SUPT3H: variants seen among roughly 807,000 people sequenced by gnomAD.
SUPT3H encodes SPT3 homolog, SAGA and STAGA complex component.
In SUPT3H, 44 loss-of-function variants were observed where a neutral mutation model predicts 44.3. The observed-to-expected ratio is 0.99, with a 90% CI of 0.78 to 1.28. SUPT3H has a LOEUF of 1.28. SUPT3H is among the 50% of genes most tolerant of loss of function. The probability of loss-of-function intolerance (pLI) is 0.00; values close to 1 mark genes in which losing one functional copy is unlikely to be tolerated. For synonymous variants in SUPT3H, 124 were observed against 125.6 expected (o/e 0.99, Z 0.09); for missense variants, 380 against 387.1 (o/e 0.98, Z 0.15).
intron 2 of SUPT3H, among the ~76,000 whole-genome samples, chr6:45,353,891 G>A (rs975870330): frequency 6.0e-5 from 9 of 151,202 alleles, no homozygotes; most frequent in African/African-American, 2.2e-4. Context: ...AGTGCCTTTA[G>A]TATATCAAAG....
intron 2 of SUPT3H, among the ~76,000 whole-genome samples, chr6:45,257,688 G>A (rs892646299): frequency 1.3e-5 from 2 of 152,092 alleles, no homozygotes; most frequent in African/African-American, 4.8e-5. Context: ...CATCCCATAG[G>A]TGGAAGGTGA....
intron 3 of SUPT3H, among the ~76,000 whole-genome samples, chr6:45,028,684 C>G (rs1245796715): frequency 1.3e-5 from 2 of 151,882 alleles, no homozygotes; most frequent in Non-Finnish European, 2.9e-5. Context: ...ACCTTCACAG[C>G]AAACTTATGA....
intron 2 of SUPT3H, among the ~76,000 whole-genome samples, chr6:45,164,054 T>G (rs1168817841): frequency 6.6e-6 from 1 of 152,164 alleles, no homozygotes; most frequent in Non-Finnish European, 1.5e-5. Context: ...GAGTAGCTGA[T>G]ACACATATTC....
intron 3 of SUPT3H, among the ~76,000 whole-genome samples, chr6:45,067,648 C>T (rs980214482): frequency 4.7e-4 from 71 of 151,058 alleles, no homozygotes; most frequent in Non-Finnish European, 7.4e-4. Flanking sequence ...AAAAAGTGGG[C>T]GAAGGACATG....
intron 2 of SUPT3H, among the ~76,000 whole-genome samples, chr6:45,109,222 T>C (rs975937172): frequency 6.6e-6 from 1 of 152,070 alleles, no homozygotes; most frequent in Non-Finnish European, 1.5e-5. Context: ...AAGTCCACAA[T>C]AAAAAGCAAA....
Position 44,869,927 on chromosome 6 carries a change from T to C in SUPT3H, c.913-40070A>G, listed in dbSNP as rs571193326. Among the ~76,000 whole-genome samples the C allele has an allele frequency of 9.9e-5, 15 of 152,272 alleles. No homozygotes were observed. The South Asian group carries it at 2.7e-3, about 27-fold the overall frequency. ...AGAATAGTGGAGATGAGAAACAATA[T>C]CTCTTTTCATTTCCCTGCCTCTAAA... On this transcript the variant is annotated intron_variant, in intron 10 of 10. Transcript: ENST00000371459.
chr6:45,368,060 A>C (rs1256125118), intron 1 of SUPT3H, among the ~76,000 whole-genome samples: 1 of 151,662 alleles, frequency 6.6e-6, no homozygotes, highest in Non-Finnish European at 1.5e-5. Flanking sequence ...TTAAAAGCAG[A>C]AGCACTCAAG....
intron 2 of SUPT3H, among the ~76,000 whole-genome samples, chr6:45,187,594 GAA>G (rs1011758356): frequency 2.0e-5 from 3 of 152,168 alleles, no homozygotes; most frequent in African/African-American, 4.8e-5. Flanking sequence ...TAAGAGAGAG[GAA>G]AAGACACTTT....
chr6:45,253,872 T>TATATATATATATAC (rs1491408260), intron 2 of SUPT3H, among the ~76,000 whole-genome samples: 193 of 124,066 alleles, frequency 1.6e-3, no homozygotes, highest in African/African-American at 4.7e-3. Context: ...TATATATATA[T>TATATATATATATAC]ACACACACAC....
intron 10 of SUPT3H, among the ~76,000 whole-genome samples, chr6:44,919,508 C>T (rs539676057): frequency 1.3e-5 from 2 of 151,378 alleles, no homozygotes. Flanking sequence ...TGAGCTACCC[C>T]CACCCTTAAC....
chr6:44,954,829 G>C (rs1341135605), intron 7 of SUPT3H, among the ~76,000 whole-genome samples: 1 of 152,088 alleles, frequency 6.6e-6, no homozygotes, highest in East Asian at 1.9e-4. Flanking sequence ...ACTCTCTTAC[G>C]TATTTGGGTC....
chr6:45,053,227 T>TG (rs1254739604), intron 3 of SUPT3H, among the ~76,000 whole-genome samples: 43 of 151,088 alleles, frequency 2.8e-4, no homozygotes, highest in African/African-American at 5.6e-4. Context: ...CTTTTTTTTT[T>TG]TGTGGTATAG....
intron 3 of SUPT3H, among the ~76,000 whole-genome samples, chr6:45,025,975 GCT>G (rs1255973642): frequency 1.9e-4 from 29 of 152,106 alleles, no homozygotes; most frequent in African/African-American, 6.0e-4. Flanking sequence ...TTCCATTGCA[GCT>G]CTTTCTTTTA....
chr6:45,309,107 TATG>T (rs1400918057), intron 2 of SUPT3H, among the ~76,000 whole-genome samples: 2 of 151,162 alleles, frequency 1.3e-5, no homozygotes, highest in Non-Finnish European at 2.9e-5. Flanking sequence ...GAGAAAGGAT[TATG>T]ATAACACTGT....
chr6:45,161,142 C>T (rs1309103378), intron 2 of SUPT3H, among the ~76,000 whole-genome samples: 1 of 152,154 alleles, frequency 6.6e-6, no homozygotes, highest in African/African-American at 2.4e-5. Flanking sequence ...TCCCCAGAAG[C>T]AGATGCCAGC....
rs182768106 is a variant in SUPT3H at position 44,979,058 on chromosome 6, A to G, written c.505-17230T>C. On this transcript the variant is annotated intron_variant, in intron 6 of 10. Coordinates refer to ENST00000371459, the MANE Select transcript of SUPT3H (RefSeq NM_003599.4). ...GATAAACTAAATTGGATTTTATACAATTCTTAAGTAATACTCCTATTGTAC... is the reference window on the plus strand; with the variant it reads ...GATAAACTAAATTGGATTTTATACAGTTCTTAAGTAATACTCCTATTGTAC... Among the ~76,000 whole-genome samples the G allele has an allele frequency of 1.4e-4, 22 of 152,298 alleles. No individual in the cohort carries two copies. The East Asian group carries it at 2.9e-3, about 20-fold the overall frequency.
Position 45,356,201 on chromosome 6 carries a change from T to C in SUPT3H, c.101+9000A>G, listed in dbSNP as rs112514252. Among the ~76,000 whole-genome samples the C allele has an allele frequency of 9.2e-3, 1,395 of 152,256 alleles. 16 individuals carry two copies. Among genetic ancestry groups the C allele is most frequent in the South Asian group, 0.032 (153 of 4,820 alleles). Reference sequence around the variant, plus strand: ...CAACAACATTTTTTTCAAAGGCATATGGTATTTCACAGCTAAGGTTTTTTT... The same window carrying C: ...CAACAACATTTTTTTCAAAGGCATACGGTATTTCACAGCTAAGGTTTTTTT... On this transcript the variant is annotated intron_variant, in intron 2 of 10. Coordinates refer to ENST00000371459, the MANE Select transcript of SUPT3H (RefSeq NM_003599.4).
intron 3 of SUPT3H, among the ~76,000 whole-genome samples, chr6:45,053,483 G>A (rs569325934): frequency 1.3e-4 from 20 of 151,920 alleles, no homozygotes; most frequent in Admixed American, 1.1e-3. Flanking sequence ...AGTATGGTGA[G>A]GTGCAAGAAA....
At chr6:45,323,839 A>G (rs1785926803) in intron 2 of SUPT3H, among the ~76,000 whole-genome samples, 1 of 152,048 alleles carries the variant, frequency 6.6e-6, no homozygotes. Flanking sequence ...CAGTGTTCCA[A>G]CGTATACTAT....
Sources: allele counts gnomAD v4.1 joint callset (sites outside exome capture counted in the v4.1 genomes callset), GRCh38; gene constraint gnomAD v4.1.1; transcripts MANE v1.5; gene names NCBI Gene and HGNC (gene_info 2026-07-23, HGNC 2026-07-21).